The following SEMA3A variants were observed in gnomAD, a reference collection of about 807,000 sequenced individuals.
SEMA3A encodes the protein semaphorin-3A.
A neutral mutation model predicts 97.9 loss-of-function variants in SEMA3A; 29 were observed. The ratio of observed to expected loss-of-function variants is 0.30; its 90% confidence interval spans 0.22 to 0.40. The LOEUF is 0.40. Ranked by LOEUF, SEMA3A falls within the 10% of genes least tolerant of loss-of-function variation. SEMA3A has a pLI of 1.00. For synonymous variants in SEMA3A, 321 were observed against 323.7 expected, an observed-to-expected ratio of 0.99 and a Z score of 0.09; for missense variants, 763 against 951.3, an observed-to-expected ratio of 0.80 and a Z score of 2.60.
chr7:84,301,592 G>T (rs1801017635), intron 3 of SEMA3A, among the ~76,000 whole-genome samples: 1 of 152,128 alleles, frequency 6.6e-6, no homozygotes, highest in Non-Finnish European at 1.5e-5. Flanking sequence ...AGGATGTAGA[G>T]TAGGGGTCAG....
intron 2 of SEMA3A, among the ~76,000 whole-genome samples, chr7:84,364,802 T>C (rs1318392725): frequency 1.3e-5 from 2 of 149,004 alleles, no homozygotes; most frequent in Non-Finnish European, 3.0e-5. Context: ...AGGCAGGCCC[T>C]GAGGCCGTAG....
chr7:83,990,605 G>C (rs1789871817), intron 12 of SEMA3A, among the ~76,000 whole-genome samples: 1 of 145,654 alleles, frequency 6.9e-6, no homozygotes. Flanking sequence ...TTTTTCTCAG[G>C]TTTGTCAAAG....
intron 14 of SEMA3A, among the ~76,000 whole-genome samples, chr7:83,980,845 A>G (rs1003995400): frequency 1.3e-5 from 2 of 151,896 alleles, no homozygotes; most frequent in Non-Finnish European, 2.9e-5. Context: ...GTTAATCAAA[A>G]TTACATATAT....
chr7:84,338,471 T>C (rs1802089554), intron 2 of SEMA3A, among the ~76,000 whole-genome samples: 1 of 152,118 alleles, frequency 6.6e-6, no homozygotes, highest in African/African-American at 2.4e-5. Flanking sequence ...ATTAAAATGG[T>C]AATACTCTTA....
chr7:84,316,361 T>C (rs1464528460), intron 2 of SEMA3A, among the ~76,000 whole-genome samples: 1 of 151,856 alleles, frequency 6.6e-6, no homozygotes, highest in Non-Finnish European at 1.5e-5. Flanking sequence ...GGAAATAAAT[T>C]AGTTAATATT....
At chr7:84,315,719 C>A (rs1801478244) in intron 2 of SEMA3A, among the ~76,000 whole-genome samples, 1 of 151,986 alleles carries the variant, frequency 6.6e-6, no homozygotes, top group Admixed American at 6.6e-5. Flanking sequence ...CAAAAAAATT[C>A]TTCATAAAAT....
intron 2 of SEMA3A, among the ~76,000 whole-genome samples, chr7:84,371,656 A>G (rs1461897531): frequency 1.3e-5 from 2 of 151,972 alleles, no homozygotes; most frequent in Non-Finnish European, 2.9e-5. Flanking sequence ...AAATCAATAA[A>G]CACCTGATTG....
At chr7:84,040,064 T>G (rs1792080738) in intron 6 of SEMA3A, among the ~76,000 whole-genome samples, 2 of 152,172 alleles carry the variant, frequency 1.3e-5, no homozygotes, top group South Asian at 4.1e-4. Flanking sequence ...AAAATTTAAA[T>G]ATTATATGAC....
At chr7:84,221,910 C>G (rs902958011) in intron 3 of SEMA3A, among the ~76,000 whole-genome samples, 1 of 151,944 alleles carries the variant, frequency 6.6e-6, no homozygotes, top group African/African-American at 2.4e-5. Flanking sequence ...TAGACTTTCT[C>G]TATGCAGTTT....
Position 84,254,665 on chromosome 7 carries a change from CAT to C in SEMA3A, c.-83+52540_-83+52541del, listed in dbSNP as rs201864263. On this transcript the variant is annotated intron_variant, in intron 3 of 3. Transcript: ENST00000424555. ...TACAGTATAATGATTATAAAGTACA[CAT>C]ATTTTAACTGCTAATTGGCACATAT... 7.8e-3 allele frequency among the ~76,000 whole-genome samples: 1,186 copies of C among 152,146 alleles called. 13 individuals carry two copies. The highest frequency in any genetic ancestry group is 0.027 in the African/African-American group (1,123 of 41,498).
At chr7:84,308,484 A>T (rs1047956282) in intron 2 of SEMA3A, among the ~76,000 whole-genome samples, 1 of 152,212 alleles carries the variant, frequency 6.6e-6, no homozygotes, top group Admixed American at 6.5e-5. Flanking sequence ...GTGGGAGAGG[A>T]GTCAATCAAC....
intron 2 of SEMA3A, among the ~76,000 whole-genome samples, chr7:84,366,075 T>C (rs1802841439): frequency 6.6e-6 from 1 of 151,442 alleles, no homozygotes; most frequent in East Asian, 1.9e-4. Context: ...TGAAAAGCTT[T>C]CATTAAACCT....
intron 6 of SEMA3A, among the ~76,000 whole-genome samples, chr7:84,045,648 AAAAAG>A (rs1191416688): frequency 2.0e-5 from 3 of 151,888 alleles, no homozygotes; most frequent in African/African-American, 4.8e-5. Flanking sequence ...TTTCTATACT[AAAAAG>A]AAAAGAGAGT....
chr7:84,477,073 A>AATATAT (rs10531036), intron 1 of SEMA3A, among the ~76,000 whole-genome samples: 41 of 140,570 alleles, frequency 2.9e-4, no homozygotes, highest in Non-Finnish European at 3.8e-4. Flanking sequence ...AAAAAAAAAA[A>AATATAT]ATATATATAT....
At chr7:84,135,060 G>T in intron 1 of SEMA3A, 109 bp from the exon 2 acceptor site, 1 of 741,690 alleles carries the variant, frequency 1.3e-6, no homozygotes, top group South Asian at 2.5e-5. Flanking sequence ...TTATCAATCA[G>T]TGCTTATTCT....
Position 84,099,220 on chromosome 7 carries a change from G to A in SEMA3A, c.453+11250C>T, listed in dbSNP as rs529399577. Among the ~76,000 whole-genome samples the A allele has an allele frequency of 6.3e-5, 7 of 111,996 alleles. 2 individuals carry two copies. Among genetic ancestry groups the A allele is most frequent in the Admixed American group, 2.1e-4 (2 of 9,480 alleles). The allele number at this position is 111,996 out of a possible 152,430, so 73.5% of individuals were successfully genotyped here. A position where few individuals can be genotyped will look rare whatever the true frequency, so the allele number is the denominator to read the frequency against. ...CGAGTAGCTGGGACTACAGGCGCCC[G>A]CTACCACGCCCGGCTAATTTTTTGT... On this transcript the variant is annotated intron_variant, in intron 4 of 16. Transcript: ENST00000265362.
intron 3 of SEMA3A, among the ~76,000 whole-genome samples, chr7:84,122,335 A>C (rs889304300): frequency 1.3e-5 from 2 of 152,130 alleles, no homozygotes; most frequent in Non-Finnish European, 2.9e-5. Flanking sequence ...AATGCTCATC[A>C]TCACTGGCCA....
chr7:83,978,010 A>G (rs1789234578), intron 14 of SEMA3A, among the ~76,000 whole-genome samples: 1 of 151,894 alleles, frequency 6.6e-6, no homozygotes, highest in Admixed American at 6.6e-5. Flanking sequence ...TCACCGTGTT[A>G]GCCAGGATGG....
At chr7:84,076,099 A>G (rs542751211) in intron 4 of SEMA3A, among the ~76,000 whole-genome samples, 2 of 152,332 alleles carry the variant, frequency 1.3e-5, no homozygotes, top group South Asian at 4.1e-4. Context: ...TGCAAAACCT[A>G]TAGAAATTTA....
Sources: allele counts gnomAD v4.1 joint callset (sites outside exome capture counted in the v4.1 genomes callset), GRCh38; gene constraint gnomAD v4.1.1; transcripts MANE v1.5; gene names NCBI Gene and HGNC (gene_info 2026-07-23, HGNC 2026-07-21).